AGBL4: variants seen among roughly 807,000 people sequenced by gnomAD.
AGBL4 encodes AGBL carboxypeptidase 4, also known as cytosolic carboxypeptidase 6.
AGBL4 carries 58 observed loss-of-function variants against 66.4 expected under a neutral mutation model. That is an observed-to-expected ratio of 0.87 (90% CI 0.71 to 1.09). AGBL4 has a LOEUF of 1.09. Among genes scored for constraint, AGBL4 ranks in the 50% least tolerant of loss-of-function variants. The pLI is 0.00. For missense variants in AGBL4, 579 were observed against 631.0 expected (o/e 0.92, Z 0.88); for synonymous variants, 234 against 222.9 (o/e 1.05, Z -0.44).
chr1:50,014,937 A>C (rs1051764227), intron 1 of AGBL4, among the ~76,000 whole-genome samples: 7 of 152,200 alleles, frequency 4.6e-5, no homozygotes, highest in African/African-American at 1.7e-4. Flanking sequence ...GGTTTTTATC[A>C]GTTAATCAAG....
intron 3 of AGBL4, among the ~76,000 whole-genome samples, chr1:49,595,518 T>C (rs1644835656): frequency 6.6e-6 from 1 of 152,084 alleles, no homozygotes; most frequent in African/African-American, 2.4e-5. Context: ...CACCTAAAAA[T>C]CATCTAGTAT....
At chr1:49,587,156 G>T (rs1268792055) in intron 3 of AGBL4, among the ~76,000 whole-genome samples, 3 of 152,100 alleles carry the variant, frequency 2.0e-5, no homozygotes, top group Non-Finnish European at 4.4e-5. Flanking sequence ...TGAGGCAGGA[G>T]AATTGCTTGA....
At chr1:49,038,559 C>T (rs1664848084) in intron 5 of AGBL4, among the ~76,000 whole-genome samples, 1 of 151,986 alleles carries the variant, frequency 6.6e-6, no homozygotes, top group African/African-American at 2.4e-5. Context: ...AGATACTTTA[C>T]AAAAGAAGAT....
chr1:49,766,099 C>T (rs1397639145), intron 2 of AGBL4, among the ~76,000 whole-genome samples: 2 of 152,168 alleles, frequency 1.3e-5, no homozygotes, highest in Admixed American at 1.3e-4. Flanking sequence ...CTGCCAAATG[C>T]TTTACAAAAT....
intron 5 of AGBL4, among the ~76,000 whole-genome samples, chr1:48,960,929 G>A (rs1186093437): frequency 2.0e-5 from 3 of 152,200 alleles, no homozygotes; most frequent in Non-Finnish European, 4.4e-5. Context: ...TACACACTCT[G>A]CAATTAGGAC....
chr1:49,942,010 T>C (rs1654806445), intron 1 of AGBL4, among the ~76,000 whole-genome samples: 1 of 152,172 alleles, frequency 6.6e-6, no homozygotes, highest in African/African-American at 2.4e-5. Flanking sequence ...AGTAATTAAG[T>C]AAAATGTTAA....
At chr1:49,808,942 G>A (rs1335046329) in intron 2 of AGBL4, among the ~76,000 whole-genome samples, 1 of 151,960 alleles carries the variant, frequency 6.6e-6, no homozygotes, top group African/African-American at 2.4e-5. Context: ...ATAATATATG[G>A]TTTGCTCCCT....
At chr1:48,780,558 T>C (rs1645268691) in intron 6 of AGBL4, among the ~76,000 whole-genome samples, 1 of 152,060 alleles carries the variant, frequency 6.6e-6, no homozygotes. Flanking sequence ...CAAAACAGCA[T>C]AGTACTGGTA....
At chr1:49,320,866 AGAAGGG>A (rs1225455573) in intron 3 of AGBL4, among the ~76,000 whole-genome samples, 1 of 152,300 alleles carries the variant, frequency 6.6e-6, no homozygotes, top group African/African-American at 2.4e-5. Flanking sequence ...CAATCATAGC[AGAAGGG>A]GAAGGGGAAG....
chr1:49,286,103 A>G (rs1427945290), intron 3 of AGBL4, among the ~76,000 whole-genome samples: 2 of 152,244 alleles, frequency 1.3e-5, no homozygotes, highest in Non-Finnish European at 2.9e-5. Context: ...AGAGCCAAAG[A>G]CAAAAACCAC....
At chr1:49,845,760 G>A (rs1486541500) in intron 2 of AGBL4, 5 of 1,584,208 alleles carry the variant, frequency 3.2e-6, no homozygotes, top group African/African-American at 1.3e-5. Flanking sequence ...GATGCAACGA[G>A]TGTGGGAAAA....
intron 6 of AGBL4, among the ~76,000 whole-genome samples, chr1:48,692,229 A>G (rs1164012711): frequency 6.6e-6 from 1 of 152,210 alleles, no homozygotes; most frequent in Admixed American, 6.5e-5. Flanking sequence ...GCACAGAAGC[A>G]ACTAATGGCA....
Position 49,126,820 on chromosome 1 carries a change from G to T in AGBL4, c.378-81020C>A, listed in dbSNP as rs1645774283. 2.6e-5 allele frequency among the ~76,000 whole-genome samples: 4 copies of T among 151,936 alleles called. No individual in the cohort carries two copies. The South Asian group carries it at 8.3e-4, about 32-fold the overall frequency. On this transcript the variant is annotated intron_variant, in intron 4 of 13. Coordinates refer to ENST00000371839, the MANE Select transcript of AGBL4 (RefSeq NM_032785.4). Reference sequence around the variant, plus strand: ...GACTAGACATAGCTCCCTAGCAATGGGACTTTCTCAGTTTTATCTTTATAT... The same window carrying T: ...GACTAGACATAGCTCCCTAGCAATGTGACTTTCTCAGTTTTATCTTTATAT...
chr1:49,991,431 T>A (rs1031429564), intron 1 of AGBL4, among the ~76,000 whole-genome samples: 1 of 152,338 alleles, frequency 6.6e-6, no homozygotes, highest in African/African-American at 2.4e-5. Context: ...ATCTTTATAA[T>A]AATCAGATTT....
At chr1:49,497,670 G>A (rs896390524) in intron 3 of AGBL4, among the ~76,000 whole-genome samples, 1 of 151,824 alleles carries the variant, frequency 6.6e-6, no homozygotes, top group South Asian at 2.1e-4. Flanking sequence ...TTTTGGGCAC[G>A]TTCGTTGAAA....
At chr1:49,795,944 T>C (rs562256449) in intron 2 of AGBL4, among the ~76,000 whole-genome samples, 1 of 151,992 alleles carries the variant, frequency 6.6e-6, no homozygotes, top group Non-Finnish European at 1.5e-5. Flanking sequence ...TATAATTGAC[T>C]ACATAAAATG....
intron 3 of AGBL4, among the ~76,000 whole-genome samples, chr1:49,321,311 T>C (rs1272633444): frequency 2.0e-5 from 3 of 152,178 alleles, no homozygotes; most frequent in Non-Finnish European, 4.4e-5. Flanking sequence ...CTAAGTTAAA[T>C]TTAAAAATAT....
chr1:49,550,795 T>G (rs750979652), intron 3 of AGBL4, among the ~76,000 whole-genome samples: 6 of 152,202 alleles, frequency 3.9e-5, no homozygotes, highest in Non-Finnish European at 7.3e-5. Flanking sequence ...ATGATCTTTT[T>G]GTGATGAATT....
At chr1:49,106,698 G>A (rs1434025591) in intron 4 of AGBL4, among the ~76,000 whole-genome samples, 1 of 152,146 alleles carries the variant, frequency 6.6e-6, no homozygotes, top group African/African-American at 2.4e-5. Context: ...TATCTGAGTA[G>A]GCATTCCATG....
Sources: gnomAD v4.1 joint callset for allele counts (sites outside exome capture counted in the v4.1 genomes callset) on GRCh38, gnomAD v4.1.1 for gene constraint, MANE v1.5 for transcripts, NCBI Gene and HGNC (gene_info 2026-07-23, HGNC 2026-07-21) for gene names.